UMODL1: variants seen among roughly 807,000 people sequenced by gnomAD.
UMODL1 encodes the protein uromodulin like 1.
Under a neutral mutation model 136.3 loss-of-function variants are expected in UMODL1, and 128 were observed. That is an observed-to-expected ratio of 0.94 (90% CI 0.81 to 1.09). The LOEUF (loss-of-function observed/expected upper bound fraction) is 1.09. Ranked by LOEUF, UMODL1 falls within the 50% of genes least tolerant of loss-of-function variation. UMODL1 has a pLI of 0.00. For missense variants in UMODL1, 1,766 were observed against 1,725.6 expected, an observed-to-expected ratio of 1.02 and a Z score of -0.41; for synonymous variants, 721 against 720.0, an observed-to-expected ratio of 1.00 and a Z score of -0.02.
Position 42,122,833 on chromosome 21 carries a change from G to A in UMODL1, c.2830G>A (p.Asp944Asn), listed in dbSNP as rs377147085. Reference sequence around the variant, plus strand: ...CTTTTCCTCCTTGTGCCTTGCAGGTGACTCTCCTGGCAATGAAACCTGGGC... The same window carrying A: ...CTTTTCCTCCTTGTGCCTTGCAGGTAACTCTCCTGGCAATGAAACCTGGGC... Reference protein sequence around the residue: ...VEYSERPCEGDSPGNETWATS... With the variant: ...VEYSERPCEGNSPGNETWATS... Residue 944 changes from aspartate to asparagine, a missense_variant and splice_region_variant, in exon 17 of 23, where the codon GAC becomes AAC. By Grantham distance (23) the Asp-to-Asn change is conservative (BLOSUM62 1). Coordinates refer to ENST00000408910, the MANE Select transcript of UMODL1 (RefSeq NM_001004416.3). The surrounding 1 kb of genome is among the most constrained non-coding windows in gnomAD (Gnocchi z 4.3). 3.1e-6 allele frequency: 5 copies of A among 1,592,460 alleles called. No homozygotes were observed. In the African/African-American group the frequency reaches 4.0e-5, roughly 13 times the overall value.
Position 42,127,134 on chromosome 21 carries a change from T to C in UMODL1, c.3422T>C (p.Val1141Ala), listed in dbSNP as rs2067067936. 1 of 1,614,126 alleles carries C rather than the reference T, an allele frequency of 6.2e-7. No individual in the cohort carries two copies. Among genetic ancestry groups the C allele is most frequent in the Non-Finnish European group, 8.5e-7 (1 of 1,180,040 alleles). ...VSASDDVRIE[V>A]GLYRQKSNLK... Reference sequence around the variant, plus strand: ...GCCAGTGACGATGTCAGGATCGAAGTGGGGCTCTACAGGCAGAAAAGCAAC... The same window carrying C: ...GCCAGTGACGATGTCAGGATCGAAGCGGGGCTCTACAGGCAGAAAAGCAAC... The change falls in exon 19 of 23, where the codon GTG becomes GCG. Residue 1141 changes from valine (V) to alanine (A), a missense_variant. Transcript: ENST00000408910.
chr21:42,131,709 A>C lies in UMODL1; in HGVS notation c.3775+1912A>C, dbSNP rs371309197. Among the ~76,000 whole-genome samples, 7 of 152,164 alleles carry C rather than the reference A, an allele frequency of 4.6e-5. No individual in the cohort carries two copies. In the East Asian group the frequency reaches 1.2e-3, roughly 25 times the overall value. On this transcript the variant is annotated intron_variant, in intron 21 of 22. Transcript: ENST00000408910. ...TGGTTCTCATTTAAAGCATTTGGGA[A>C]ACTAAAAAAGTAGACACAGGTCCCA... is the stretch of plus-strand genomic sequence containing the variant.
At chr21:42,079,800 C>G (rs563916654) in intron 2 of UMODL1, among the ~76,000 whole-genome samples, 1 of 152,190 alleles carries the variant, frequency 6.6e-6, no homozygotes, top group East Asian at 1.9e-4. Context: ...GGATGTGGAC[C>G]GGGGCTCTCT....
intron 6 of UMODL1, among the ~76,000 whole-genome samples, chr21:42,097,267 A>G (rs1005134200): frequency 1.3e-5 from 2 of 152,334 alleles, no homozygotes; most frequent in Middle Eastern, 3.4e-3. Flanking sequence ...GATGTCACTG[A>G]TCCTGTCTGA....
intron 2 of UMODL1, among the ~76,000 whole-genome samples, chr21:42,082,756 G>A (rs8133951): frequency 0.3 from 46,071 of 152,164 alleles, 8,191 homozygotes; most frequent in Non-Finnish European, 0.39. Context: ...CAGGCTCTGC[G>A]GCATCGGGCA....
At chr21:42,088,633 A>G (rs999180781) in intron 5 of UMODL1, among the ~76,000 whole-genome samples, 153 bp downstream of exon 5, 2 of 152,228 alleles carry the variant, frequency 1.3e-5, no homozygotes, top group Admixed American at 1.3e-4. Context: ...AAGTGTGTTC[A>G]TCCCACAGGT....
At chr21:42,115,342 G>T (rs1209448045) in intron 13 of UMODL1, among the ~76,000 whole-genome samples, 1 of 152,224 alleles carries the variant, frequency 6.6e-6, no homozygotes, top group Non-Finnish European at 1.5e-5. Context: ...AACAGGGACT[G>T]CCCATAGACC....
Position 42,122,993 on chromosome 21 carries a change from A to G in UMODL1, c.2990A>G (p.Lys997Arg). 1 of 1,614,030 alleles carries G rather than the reference A, an allele frequency of 6.2e-7. No individual in the cohort carries two copies. The highest frequency in any genetic ancestry group is 1.1e-5 in the South Asian group (1 of 91,078). The change falls in exon 17 of 23, where the codon AAG (lysine) becomes AGG (arginine). Residue 997 changes from lysine to arginine, a missense_variant. By Grantham distance (26) the Lys-to-Arg change is conservative (BLOSUM62 2). Coordinates refer to ENST00000408910, the MANE Select transcript of UMODL1 (RefSeq NM_001004416.3). This position sits in a 1 kb window ranked among gnomAD's most constrained non-coding sequence, Gnocchi z 4.3. ...GTCAGGGTGCTCTGTGAGATCGAGA[A>G]GGTGGTTGTCGCCATCCAGAAGCGC... is the stretch of plus-strand genomic sequence containing the variant. ...GAVRVLCEIEKVVVAIQKRFL... is the reference protein window; with the variant it reads ...GAVRVLCEIERVVVAIQKRFL...
intron 1 of UMODL1, among the ~76,000 whole-genome samples, chr21:42,063,856 T>C (rs986137129): frequency 2.0e-5 from 3 of 152,114 alleles, no homozygotes; most frequent in African/African-American, 4.8e-5. Flanking sequence ...CAGCCTCCCA[T>C]GGGTGGAGCA....
At chr21:42,071,760 C>G (rs1004470465) in intron 1 of UMODL1, among the ~76,000 whole-genome samples, 1 of 151,600 alleles carries the variant, frequency 6.6e-6, no homozygotes, top group Non-Finnish European at 1.5e-5. Context: ...CCACTGAGAA[C>G]AGTGAGCTCC....
At position 42,121,233 on chromosome 21, in the gene UMODL1, G is replaced by C; in HGVS notation, c.2827+9G>C. 6.2e-7 allele frequency: 1 copy of C among 1,602,154 alleles called. No homozygotes were observed. Among genetic ancestry groups the C allele is most frequent in the Non-Finnish European group, 8.5e-7 (1 of 1,174,628 alleles). On this transcript the variant is annotated intron_variant, in intron 16 of 22. Coordinates refer to ENST00000408910, the MANE Select transcript of UMODL1 (RefSeq NM_001004416.3). ...TGAGAGACCCTGTGAAGGTAATGTC[G>C]TCAGAGTTTCTTCTTCTGGAATACT... is the stretch of plus-strand genomic sequence containing the variant.
intron 21 of UMODL1, among the ~76,000 whole-genome samples, chr21:42,133,788 G>A (rs775801827): frequency 4.6e-5 from 7 of 152,182 alleles, no homozygotes; most frequent in Non-Finnish European, 7.3e-5. Flanking sequence ...GTTGGACTAG[G>A]GGCCTATCTA....
intron 2 of UMODL1, among the ~76,000 whole-genome samples, chr21:42,079,183 GCCACACCAGCC>G (rs2066331153): frequency 6.6e-6 from 1 of 152,164 alleles, no homozygotes; most frequent in Admixed American, 6.5e-5. Context: ...GCTCTGCAGG[GCCACACCAGCC>G]CCACCCATGC....
intron 8 of UMODL1, chr21:42,102,601 G>A (rs940924726): frequency 2.3e-5 from 4 of 177,600 alleles, no homozygotes; most frequent in African/African-American, 9.4e-5. Flanking sequence ...CAGCTATGGG[G>A]TAGCTTCATT....
chr21:42,110,077 G>T (rs115088030), intron 10 of UMODL1, among the ~76,000 whole-genome samples: 1 of 130,814 alleles, frequency 7.6e-6, no homozygotes, highest in African/African-American at 3.0e-5. Context: ...GAGCCCGAGA[G>T]GGTGTGGCCT....
chr21:42,093,555 C>T (rs1436077943), intron 6 of UMODL1: 6 of 207,810 alleles, frequency 2.9e-5, no homozygotes, highest in Middle Eastern at 1.8e-3. Context: ...GTCCTGTGGG[C>T]GAGGGGTTGG....
At chr21:42,074,088 A>G (rs1329795681) in intron 1 of UMODL1, among the ~76,000 whole-genome samples, 2 of 152,198 alleles carry the variant, frequency 1.3e-5, no homozygotes, top group South Asian at 2.1e-4. Context: ...TGGCTTAAAC[A>G]GCAGAAATGG....
At chr21:42,062,993 C>T (rs928477252) in exon 1 of UMODL1, 3 of 152,278 alleles carry the variant, frequency 2.0e-5, no homozygotes, top group Admixed American at 6.5e-5. Context: ...AGGGAGAAAC[C>T]GTCCCCTGCC....
upstream of UMODL1, among the ~76,000 whole-genome samples, chr21:42,066,318 T>C (rs1018647696): frequency 1.1e-4 from 16 of 152,276 alleles, no homozygotes; most frequent in African/African-American, 3.9e-4. Context: ...AGTCTCGCTC[T>C]GTCGCCCAGG....
Sources: allele counts gnomAD v4.1 joint callset (sites outside exome capture counted in the v4.1 genomes callset), GRCh38; gene constraint gnomAD v4.1.1; non-coding constraint Gnocchi (gnomAD v3.1); transcripts MANE v1.5; gene names NCBI Gene and HGNC (gene_info 2026-07-23, HGNC 2026-07-21).